TIPIN: variants seen among roughly 807,000 people sequenced by gnomAD.
TIPIN encodes TIMELESS interacting protein.
TIPIN carries 29 observed loss-of-function variants against 35.6 expected under a neutral mutation model. The observed-to-expected ratio is 0.82, with a 90% CI of 0.61 to 1.11. The LOEUF is 1.11. TIPIN is among the 50% of genes most tolerant of loss of function. The pLI is 0.00. For missense variants in TIPIN, 296 were observed against 345.4 expected (o/e 0.86, Z 1.13); for synonymous variants, 102 against 121.5 (o/e 0.84, Z 1.06).
intron 1 of TIPIN, among the ~76,000 whole-genome samples, chr15:66,380,244 T>C (rs912230912): frequency 6.6e-6 from 1 of 150,818 alleles, no homozygotes; most frequent in African/African-American, 2.4e-5. Context: ...GACCTCGTGA[T>C]CCACCCCACC....
intron 4 of TIPIN, among the ~76,000 whole-genome samples, 178 bp downstream of exon 4, chr15:66,351,347 G>C (rs1035064517): frequency 6.6e-6 from 1 of 152,202 alleles, no homozygotes; most frequent in African/African-American, 2.4e-5. Context: ...GACTGCACAA[G>C]ACATGCTTTC....
intron 1 of TIPIN, among the ~76,000 whole-genome samples, chr15:66,369,292 T>C (rs530144944): frequency 5.3e-5 from 8 of 151,514 alleles, no homozygotes; most frequent in Admixed American, 5.3e-4. Flanking sequence ...CCTTGCTCCC[T>C]GGGAGTATAT....
At position 66,339,763 on chromosome 15, in the gene TIPIN, C is replaced by G. The variant is rs62627327; in HGVS notation, c.682+1387G>C. ...ACTAATAATATATTTTTTAATAAAGCAAATCTTCAGGCAGTTTTAGAAGTG... is the reference window on the plus strand; with the variant it reads ...ACTAATAATATATTTTTTAATAAAGGAAATCTTCAGGCAGTTTTAGAAGTG... On this transcript the variant is annotated intron_variant, in intron 7 of 7. Coordinates refer to ENST00000261881, the MANE Select transcript of TIPIN (RefSeq NM_017858.3). 9.6e-4 allele frequency among the ~76,000 whole-genome samples: 146 copies of G among 152,118 alleles called. 2 individuals carry two copies. The East Asian group carries it at 0.028, about 29-fold the overall frequency.
intron 4 of TIPIN, among the ~76,000 whole-genome samples, chr15:66,349,851 G>A (rs2093155006): frequency 1.3e-5 from 2 of 152,170 alleles, no homozygotes; most frequent in African/African-American, 4.8e-5. Flanking sequence ...CTGCACTCCA[G>A]ACTGGGTGAC....
intron 1 of TIPIN, among the ~76,000 whole-genome samples, chr15:66,367,980 C>T (rs917770000): frequency 2.0e-5 from 3 of 151,394 alleles, no homozygotes; most frequent in East Asian, 2.0e-4. Context: ...ACTACAGGTG[C>T]GCGCCACCAT....
At chr15:66,360,796 A>T (rs2093227703), upstream of TIPIN, among the ~76,000 whole-genome samples, 1 of 152,182 alleles carries the variant, frequency 6.6e-6, no homozygotes, top group Admixed American at 6.5e-5. Flanking sequence ...GTGAAAACTC[A>T]TCTCTACTAA....
At chr15:66,339,484 A>G (rs2093070316) in intron 7 of TIPIN, among the ~76,000 whole-genome samples, 2 of 152,168 alleles carry the variant, frequency 1.3e-5, no homozygotes, top group African/African-American at 4.8e-5. Flanking sequence ...AATCCTGCTT[A>G]CTTCATTCAA....
At chr15:66,371,749 C>T (rs141724971) in intron 1 of TIPIN, among the ~76,000 whole-genome samples, 16,045 of 151,872 alleles carry the variant, frequency 0.11, 1,066 homozygotes, top group Non-Finnish European at 0.15. Flanking sequence ...GATCTCCTGA[C>T]TTCGTGATCC....
intron 1 of TIPIN, among the ~76,000 whole-genome samples, chr15:66,365,293 A>G (rs2093249334): frequency 6.6e-6 from 1 of 152,162 alleles, no homozygotes; most frequent in African/African-American, 2.4e-5. Context: ...TACATAATAC[A>G]TAATACATAA....
chr15:66,360,891 A>G (rs1195779892), upstream of TIPIN, among the ~76,000 whole-genome samples: 3 of 152,158 alleles, frequency 2.0e-5, no homozygotes. Context: ...GCTTGAACCC[A>G]GGAGGCGGAG....
At chr15:66,350,757 G>A (rs1041834287) in intron 4 of TIPIN, among the ~76,000 whole-genome samples, 5 of 150,432 alleles carry the variant, frequency 3.3e-5, no homozygotes, top group Admixed American at 1.3e-4. Flanking sequence ...GTGAAACCCC[G>A]TCTCTACTAA....
rs189826949 is a variant in TIPIN, at chr15:66,373,366, G to A, written c.-9+13241C>T. Among the ~76,000 whole-genome samples, 99 of 152,042 alleles carry A rather than the reference G, an allele frequency of 6.5e-4. 1 individual carries two copies. The East Asian group carries it at 0.017, about 25-fold the overall frequency. On this transcript the variant is annotated intron_variant, in intron 1 of 7. Coordinates refer to the TIPIN transcript ENST00000562124. ...AAATTAGCCAGGTGTGGTGGCGGGC[G>A]CCTGTAGTCCCAGCTACTCGGGAGG... is the stretch of plus-strand genomic sequence containing the variant.
intron 1 of TIPIN, among the ~76,000 whole-genome samples, chr15:66,383,812 T>C (rs1336272491): frequency 6.6e-6 from 1 of 152,166 alleles, no homozygotes; most frequent in African/African-American, 2.4e-5. Context: ...CATTGTATTT[T>C]ATTTGCGTTT....
chr15:66,361,720 G>A (rs1052651555), intron 1 of TIPIN, among the ~76,000 whole-genome samples: 7 of 152,044 alleles, frequency 4.6e-5, no homozygotes, highest in African/African-American at 1.2e-4. Context: ...AGAGTTTAAC[G>A]TTTTAGGCCA....
intron 1 of TIPIN, among the ~76,000 whole-genome samples, chr15:66,377,057 G>A (rs1187979646): frequency 2.2e-5 from 3 of 138,488 alleles, no homozygotes; most frequent in Admixed American, 8.1e-5. Context: ...GCAGTGAGCC[G>A]AGACCAGGCT....
chr15:66,379,598 C>T (rs936838883), intron 1 of TIPIN: 132 of 1,610,664 alleles, frequency 8.2e-5, no homozygotes, highest in South Asian at 5.3e-4. Flanking sequence ...ACCCATTCTC[C>T]GGGATAACGA....
chr15:66,351,097 G>T (rs1177254376), intron 4 of TIPIN, among the ~76,000 whole-genome samples: 1 of 127,284 alleles, frequency 7.9e-6, no homozygotes, highest in African/African-American at 2.9e-5. Flanking sequence ...AAGTGATTCA[G>T]TTACTAAATG....
chr15:66,377,738 G>A (rs35217585), intron 1 of TIPIN, among the ~76,000 whole-genome samples: 8,580 of 151,670 alleles, frequency 0.057, 346 homozygotes, highest in Middle Eastern at 0.11. Context: ...TTGCAGTGGC[G>A]CAATCTCGGC....
chr15:66,337,379 G>A (rs1452665714), intron 7 of TIPIN, among the ~76,000 whole-genome samples, 198 bp from the exon 8 acceptor site: 14 of 147,502 alleles, frequency 9.5e-5, no homozygotes, highest in African/African-American at 3.3e-4. Flanking sequence ...TGGCTGGAGT[G>A]CAATCGCACG....
Sources: gnomAD v4.1 joint callset for allele counts (sites outside exome capture counted in the v4.1 genomes callset) on GRCh38, gnomAD v4.1.1 for gene constraint, MANE v1.5 for transcripts, NCBI Gene and HGNC (gene_info 2026-07-23, HGNC 2026-07-21) for gene names.